SORD: variants seen among roughly 807,000 people sequenced by gnomAD.
SORD encodes (R,R)-butanediol dehydrogenase.
A neutral mutation model predicts 35.6 loss-of-function variants in SORD; 18 were observed. That is an observed-to-expected ratio of 0.51 (90% CI 0.35 to 0.75). The LOEUF (loss-of-function observed/expected upper bound fraction) is 0.75, where lower values mean the gene tolerates loss of function less well. Ranked by LOEUF, SORD falls within the 30% of genes least tolerant of loss-of-function variation. The pLI is 0.01. For missense variants in SORD, 250 were observed against 390.2 expected (o/e 0.64, Z 3.03); for synonymous variants, 106 against 152.9 (o/e 0.69, Z 2.26).
intron 3 of SORD, among the ~76,000 whole-genome samples, chr15:45,046,948 G>A (rs1203973766): frequency 6.6e-6 from 1 of 152,162 alleles, no homozygotes; most frequent in Non-Finnish European, 1.5e-5. Context: ...AACCTGGGAG[G>A]TAGAGGTTGC....
chr15:45,062,998 T>A (rs1445449441), intron 4 of SORD, among the ~76,000 whole-genome samples: 1 of 148,298 alleles, frequency 6.7e-6, no homozygotes, highest in Admixed American at 6.6e-5. Context: ...GGCCTAGTGG[T>A]CTGGGCATGG....
intron 1 of SORD, among the ~76,000 whole-genome samples, chr15:45,033,807 A>T (rs1176853475): frequency 6.7e-6 from 1 of 150,364 alleles, no homozygotes; most frequent in Non-Finnish European, 1.5e-5. Context: ...TCAGGTCATT[A>T]TTTTTTATTT....
At chr15:45,029,007 C>A (rs1396932826) in intron 1 of SORD, among the ~76,000 whole-genome samples, 1 of 152,208 alleles carries the variant, frequency 6.6e-6, no homozygotes, top group East Asian at 1.9e-4. Context: ...GAAGCAGGAG[C>A]TGGATTAAAC....
At chr15:45,072,927 C>T (rs1434627425) in intron 8 of SORD, among the ~76,000 whole-genome samples, 3 of 136,680 alleles carry the variant, frequency 2.2e-5, no homozygotes, top group Non-Finnish European at 4.5e-5. Context: ...GCTGGGACCC[C>T]TCTCCCCAGC....
chr15:45,065,120 T>C (rs1893383426), intron 4 of SORD, 151 bp from the exon 5 acceptor site: 4 of 630,396 alleles, frequency 6.3e-6, no homozygotes, highest in Admixed American at 5.3e-5. Flanking sequence ...AGTTAATGTA[T>C]ATAAATTGCT....
At chr15:45,037,731 C>G (rs1222256637) in intron 1 of SORD, among the ~76,000 whole-genome samples, 1 of 150,892 alleles carries the variant, frequency 6.6e-6, no homozygotes, top group Non-Finnish European at 1.5e-5. Flanking sequence ...TGTTCTCACT[C>G]ATAAGTGGGA....
Position 45,039,529 on chromosome 15 carries a change from T to C in SORD, c.67-879T>C, listed in dbSNP as rs111605251. Among the ~76,000 whole-genome samples, 427 of 152,284 alleles carry C rather than the reference T, an allele frequency of 2.8e-3. 5 individuals carry two copies. The highest frequency in any genetic ancestry group is 9.7e-3 in the African/African-American group (405 of 41,552). ...TAGGACTTTCCTAGCCCGTTGACAA[T>C]GAGGAAAGAAGGCTTAGTAAACCAA... is the stretch of plus-strand genomic sequence containing the variant. On this transcript the variant is annotated intron_variant, in intron 1 of 8. Transcript: ENST00000267814.
chr15:45,072,708 G>A (rs1480249706), intron 8 of SORD, among the ~76,000 whole-genome samples: 1 of 141,926 alleles, frequency 7.0e-6, no homozygotes, highest in Non-Finnish European at 1.5e-5. Flanking sequence ...TCCCCCCCAG[G>A]CCCCTTTTTT....
intron 3 of SORD, among the ~76,000 whole-genome samples, chr15:45,053,180 T>A (rs947825719): frequency 1.3e-5 from 2 of 152,154 alleles, no homozygotes; most frequent in African/African-American, 4.8e-5. Flanking sequence ...TAAGGGATTG[T>A]CAATCAGTCA....
intron 1 of SORD, among the ~76,000 whole-genome samples, chr15:45,035,125 G>T (rs928460384): frequency 7.2e-5 from 11 of 152,296 alleles, no homozygotes; most frequent in African/African-American, 2.6e-4. Flanking sequence ...CCCCGACTCC[G>T]TGGGCTCCTG....
chr15:45,065,293 G>T lies in SORD; in HGVS notation c.448G>T (p.Glu150Ter). The T allele has an allele frequency of 6.2e-7, 1 of 1,613,934 alleles. No homozygotes were observed. The highest frequency in any genetic ancestry group is 8.5e-7 in the Non-Finnish European group (1 of 1,179,892). ...CYKLPDNVTF[E>*]EGALIEPLSV... Reference sequence around the variant, plus strand: ...CAGGCTTCCTGACAATGTCACCTTTGAGGAAGGCGCCCTGATCGAGCCACT... The same window carrying T: ...CAGGCTTCCTGACAATGTCACCTTTTAGGAAGGCGCCCTGATCGAGCCACT... The change falls in exon 5 of 9, where the codon GAG becomes TAG. Residue 150 changes from glutamate to a stop codon, truncating the protein, a stop_gained. Coordinates refer to ENST00000267814, the MANE Select transcript of SORD (RefSeq NM_003104.6). LOFTEE classifies it high-confidence loss of function.
At chr15:45,061,805 G>C (rs1362757589) in intron 4 of SORD, among the ~76,000 whole-genome samples, 14 of 152,116 alleles carry the variant, frequency 9.2e-5, no homozygotes, top group South Asian at 4.2e-4. Context: ...GGAGGTGGAG[G>C]TTGCAGTGAG....
In SORD at chr15:45,072,347, G is replaced by C; in HGVS notation, c.817G>C (p.Val273Leu). 1 of 638,598 alleles carries C rather than the reference G, an allele frequency of 1.6e-6. No homozygotes were observed. Among genetic ancestry groups the C allele is most frequent in the Admixed American group, 3.7e-5 (1 of 27,104 alleles). The allele number at this position is 638,598 out of a possible 1,614,324, so 39.6% of individuals were successfully genotyped here. Residue 273 changes from valine (V) to leucine (L), a missense_variant, in exon 8 of 9, where the codon GTG (valine) becomes CTG (leucine). Physicochemically the swap from Val to Leu is conservative, Grantham distance 32. Transcript: ENST00000267814. The part of the protein sequence containing the change: ...ATRSGGNLVL[V>L]GLGSEMTTVP... ...TCGCTCTGGTGGGAACCTCGTGCTT[G>C]TGGGGCTGGGCTCTGAGATGACCAC...
intron 3 of SORD, among the ~76,000 whole-genome samples, chr15:45,049,547 A>C (rs1473671769): frequency 6.6e-6 from 1 of 152,210 alleles, no homozygotes; most frequent in Non-Finnish European, 1.5e-5. Context: ...GTGCCCAGAT[A>C]ACTGGCAGCT....
intron 3 of SORD, among the ~76,000 whole-genome samples, chr15:45,056,923 A>G (rs1893227118): frequency 6.6e-6 from 1 of 152,202 alleles, no homozygotes; most frequent in African/African-American, 2.4e-5. Context: ...CTGTGGTAGA[A>G]ACAATTATCC....
intron 4 of SORD, among the ~76,000 whole-genome samples, chr15:45,064,561 T>C (rs1893375066): frequency 6.6e-6 from 1 of 152,202 alleles, no homozygotes; most frequent in South Asian, 2.1e-4. Flanking sequence ...TTTAATCAGC[T>C]TTGTGGAACA....
At chr15:45,052,792 G>T (rs1164936528) in intron 3 of SORD, among the ~76,000 whole-genome samples, 1 of 152,102 alleles carries the variant, frequency 6.6e-6, no homozygotes. Context: ...GGATAAAAAT[G>T]AGCTGGTTCA....
At chr15:45,039,436 T>C (rs1348981883) in intron 1 of SORD, among the ~76,000 whole-genome samples, 1 of 152,200 alleles carries the variant, frequency 6.6e-6, no homozygotes, top group East Asian at 1.9e-4. Flanking sequence ...GTACATCTCT[T>C]TTCTTGATTA....
intron 3 of SORD, among the ~76,000 whole-genome samples, chr15:45,047,842 G>A (rs1400960084): frequency 6.6e-6 from 1 of 152,216 alleles, no homozygotes; most frequent in Non-Finnish European, 1.5e-5. Context: ...TAGTGTCTGG[G>A]CTCAGGCAGG....
Sources: gnomAD v4.1 joint callset for allele counts (sites outside exome capture counted in the v4.1 genomes callset) on GRCh38, gnomAD v4.1.1 for gene constraint, MANE v1.5 for transcripts, NCBI Gene and HGNC (gene_info 2026-07-23, HGNC 2026-07-21) for gene names.